The following ITGAM variants were observed in gnomAD, a reference collection of about 807,000 sequenced individuals.
ITGAM encodes the protein integrin alpha-M.
A neutral mutation model predicts 137.5 loss-of-function variants in ITGAM; 79 were observed. The ratio of observed to expected loss-of-function variants is 0.57; its 90% CI spans 0.48 to 0.69. ITGAM has a LOEUF of 0.69. ITGAM is among the 30% of genes least tolerant of loss of function. The probability of loss-of-function intolerance (pLI) is 0.00; values close to 1 mark genes in which losing one functional copy is unlikely to be tolerated. For synonymous variants in ITGAM, 583 were observed against 592.3 expected, an observed-to-expected ratio of 0.98 and a Z score of 0.23; for missense variants, 1,343 against 1,483.5, an observed-to-expected ratio of 0.91 and a Z score of 1.56.
rs1357936608 is a variant in ITGAM, at chr16:31,298,059, T to A, written c.1707+105T>A. ...CAGATAAGTTCTCACAGTACTCCTT[T>A]CAGAACCTTCAAAAATAATAACATG... On this transcript the variant is annotated intron_variant, in intron 14 of 29. Transcript: ENST00000544665. 10 of 910,978 alleles carry A rather than the reference T, an allele frequency of 1.1e-5. No homozygotes were observed. In the Admixed American group the frequency reaches 2.5e-4, roughly 22 times the overall value. 56.4% of individuals were successfully genotyped at this position (910,978 alleles called of 1,614,324 possible). A position where few individuals can be genotyped will look rare whatever the true frequency, so the allele number is the denominator to read the frequency against.
At chr16:31,313,668 A>T (rs1452961043) in intron 14 of ITGAM, among the ~76,000 whole-genome samples, 2 of 152,034 alleles carry the variant, frequency 1.3e-5, no homozygotes, top group Admixed American at 6.6e-5. Context: ...TTGCTATTGT[A>T]AATAGTGCTT....
At chr16:31,263,665 CTT>C (rs74413197) in intron 2 of ITGAM, among the ~76,000 whole-genome samples, 6 of 125,824 alleles carry the variant, frequency 4.8e-5, no homozygotes, top group Admixed American at 8.0e-5. Context: ...ATTTTTCTTT[CTT>C]TTTTTTTTTT....
At chr16:31,290,452 C>G (rs2080075883) in intron 12 of ITGAM, among the ~76,000 whole-genome samples, 1 of 152,092 alleles carries the variant, frequency 6.6e-6, no homozygotes, top group Non-Finnish European at 1.5e-5. Flanking sequence ...CAATGTGATT[C>G]ACCATAACAG....
In ITGAM at chr16:31,331,773, C is replaced by T; in HGVS notation, c.*66C>T. 7.8e-7 allele frequency: 1 copy of T among 1,284,082 alleles called. No homozygotes were observed. The highest frequency in any genetic ancestry group is 1.4e-5 in the South Asian group (1 of 72,948). 79.5% of individuals were successfully genotyped at this position (1,284,082 alleles called of 1,614,324 possible). Reference sequence around the variant, plus strand: ...GACTCTGCCCAGACCACACGTAGCCCCCAGGCTGCTGGACACGTCGGACAG... The same window carrying T: ...GACTCTGCCCAGACCACACGTAGCCTCCAGGCTGCTGGACACGTCGGACAG... On this transcript the variant is annotated 3_prime_UTR_variant, in exon 30 of 30. Coordinates refer to ENST00000544665, the MANE Select transcript of ITGAM (RefSeq NM_000632.4).
intron 23 of ITGAM, 135 bp downstream of exon 23, chr16:31,328,365 G>T: frequency 1.4e-6 from 1 of 719,922 alleles, no homozygotes; most frequent in Non-Finnish European, 2.4e-6. Flanking sequence ...TGTGTGCATG[G>T]GTGTGTATTT....
chr16:31,325,013 T>C lies in ITGAM; in HGVS notation c.2345T>C (p.Ile782Thr). ...AACATCTGCCAGGATGACCTCAGCA[T>C]CACCTTCAGTTTCATGAGGTGAGTT... ...NDNICQDDLS[I>T]TFSFMSLDCL... Residue 782 changes from isoleucine (I) to threonine (T), a missense_variant, in exon 19 of 30, where the codon ATC becomes ACC. By Grantham distance (89) the Ile-to-Thr change is moderately conservative. Coordinates refer to ENST00000544665, the MANE Select transcript of ITGAM (RefSeq NM_000632.4). 1.2e-6 allele frequency: 2 copies of C among 1,613,162 alleles called. No individual in the cohort carries two copies. Among genetic ancestry groups the C allele is most frequent in the Non-Finnish European group, 1.7e-6 (2 of 1,179,588 alleles).
At chr16:31,264,385 T>G in intron 2 of ITGAM, among the ~76,000 whole-genome samples, 1 of 151,972 alleles carries the variant, frequency 6.6e-6, no homozygotes, top group East Asian at 1.9e-4. Flanking sequence ...AGGCAGAGGT[T>G]GCAGCAGTGA....
At chr16:31,272,422 ACTATATATATATATATATATAT>A (rs1362611813) in intron 7 of ITGAM, among the ~76,000 whole-genome samples, 18 of 48,968 alleles carry the variant, frequency 3.7e-4, no homozygotes, top group African/African-American at 6.6e-4. Flanking sequence ...AGGCCAATTA[ACTATATATATATATATATATAT>A]ATATATATAT....
chr16:31,291,883 G>C (rs1453529561), intron 12 of ITGAM, among the ~76,000 whole-genome samples: 1 of 151,948 alleles, frequency 6.6e-6, no homozygotes, highest in African/African-American at 2.4e-5. Context: ...AGCACAGTAG[G>C]GTGACTATAG....
intron 14 of ITGAM, among the ~76,000 whole-genome samples, chr16:31,302,453 TC>T (rs1170479411): frequency 1.9e-5 from 2 of 104,280 alleles, no homozygotes; most frequent in South Asian, 2.7e-4. Context: ...CTTTCTTTCT[TC>T]CTTCCTTTCT....
chr16:31,320,267 G>A (rs1391007275), intron 14 of ITGAM, among the ~76,000 whole-genome samples: 5 of 151,994 alleles, frequency 3.3e-5, no homozygotes, highest in Non-Finnish European at 5.9e-5. Flanking sequence ...CACGTTTTAC[G>A]TTATTGATTC....
intron 11 of ITGAM, 114 bp from the exon 12 acceptor site, chr16:31,277,853 T>C: frequency 9.3e-7 from 1 of 1,072,712 alleles, no homozygotes; most frequent in Non-Finnish European, 1.3e-6. Context: ...TAGGGATCAG[T>C]TACCCCAACA....
chr16:31,262,631 C>T (rs1053689394), intron 2 of ITGAM, among the ~76,000 whole-genome samples: 2 of 152,028 alleles, frequency 1.3e-5, no homozygotes, highest in African/African-American at 4.8e-5. Flanking sequence ...TCTCAAACTC[C>T]TGGCCTCAAG....
At chr16:31,286,169 G>T (rs2080027595) in intron 12 of ITGAM, among the ~76,000 whole-genome samples, 1 of 148,794 alleles carries the variant, frequency 6.7e-6, no homozygotes, top group South Asian at 2.1e-4. Context: ...TTGCCGCAAA[G>T]GATGTGATTC....
rs41420744 is a variant in ITGAM at position 31,331,407 on chromosome 16, A to C, written c.3387+132A>C. On this transcript the variant is annotated intron_variant, in intron 29 of 29. Coordinates refer to ENST00000544665, the MANE Select transcript of ITGAM (RefSeq NM_000632.4). ...GAGTCTGGGAGCCTCTCTGCGCCTC[A>C]GTCTCTTAGGGAGGGTGGCCGGGTT... 2.7e-3 allele frequency: 1,831 copies of C among 690,862 alleles called. 21 individuals carry two copies. In the African/African-American group the frequency reaches 0.029, roughly 11 times the overall value. The allele number at this position is 690,862 out of a possible 1,614,324, so 42.8% of individuals were successfully genotyped here.
intron 14 of ITGAM, among the ~76,000 whole-genome samples, chr16:31,307,877 A>G (rs914756426): frequency 1.8e-4 from 27 of 152,258 alleles, no homozygotes; most frequent in African/African-American, 6.0e-4. Flanking sequence ...AATTTTGTCA[A>G]AGGCCTTTTC....
At chr16:31,261,436 C>T (rs772356157) in intron 1 of ITGAM, among the ~76,000 whole-genome samples, 1 of 151,892 alleles carries the variant, frequency 6.6e-6, no homozygotes, top group African/African-American at 2.4e-5. Context: ...CCCACGTCAG[C>T]CTCTTAAATT....
intron 14 of ITGAM, among the ~76,000 whole-genome samples, chr16:31,301,555 T>C (rs2144396345): frequency 6.6e-6 from 1 of 152,314 alleles, no homozygotes; most frequent in Non-Finnish European, 1.5e-5. Context: ...GAAAACCCAT[T>C]GATGTTGATG....
At chr16:31,301,988 T>C (rs1401381611) in intron 14 of ITGAM, among the ~76,000 whole-genome samples, 1 of 152,174 alleles carries the variant, frequency 6.6e-6, no homozygotes, top group Non-Finnish European at 1.5e-5. Flanking sequence ...AAAAGTCACC[T>C]TATCATAAAA....
Sources: gnomAD v4.1 joint callset for allele counts (sites outside exome capture counted in the v4.1 genomes callset) on GRCh38, gnomAD v4.1.1 for gene constraint, MANE v1.5 for transcripts, NCBI Gene and HGNC (gene_info 2026-07-23, HGNC 2026-07-21) for gene names.